The following AGBL1 variants were observed in gnomAD, a reference collection of about 807,000 sequenced individuals.
AGBL1 encodes the protein cytosolic carboxypeptidase 4.
AGBL1 carries 130 observed loss-of-function variants against 118.9 expected under a neutral mutation model. That is an observed-to-expected ratio of 1.09 (90% CI 0.95 to 1.26). The LOEUF is 1.26. Ranked by LOEUF, AGBL1 falls within the 50% of genes most tolerant of loss-of-function variation. The probability of loss-of-function intolerance (pLI) is 0.00; values close to 1 mark genes in which losing one functional copy is unlikely to be tolerated. For synonymous variants in AGBL1, 555 were observed against 478.9 expected, an observed-to-expected ratio of 1.16 and a Z score of -2.08; for missense variants, 1,584 against 1,298.1, an observed-to-expected ratio of 1.22 and a Z score of -3.38.
chr15:86,564,497 T>A lies in AGBL1; in HGVS notation c.2994+9960T>A, dbSNP rs1262197681. 2.0e-5 allele frequency among the ~76,000 whole-genome samples: 3 copies of A among 152,210 alleles called. No homozygotes were observed. In the East Asian group the frequency reaches 5.8e-4, roughly 29 times the overall value. ...GGCTTGTAGAGTTTCTGCCGAGAGA[T>A]CTGCTGTTAGTCTGATGGGCTTCCC... On this transcript the variant is annotated intron_variant, in intron 21 of 22. Transcript: ENST00000614907.
intron 22 of AGBL1, among the ~76,000 whole-genome samples, chr15:86,735,924 C>T (rs142488900): frequency 6.6e-6 from 1 of 152,008 alleles, no homozygotes; most frequent in Non-Finnish European, 1.5e-5. Flanking sequence ...TCACTTTGCT[C>T]TTGATTCTCA....
intron 23 of AGBL1, among the ~76,000 whole-genome samples, chr15:86,930,354 A>G (rs2080590653): frequency 6.6e-6 from 1 of 152,152 alleles, no homozygotes; most frequent in Non-Finnish European, 1.5e-5. Flanking sequence ...TATCACTACT[A>G]TATAAATATA....
At chr15:86,325,756 C>G (rs2080174566) in intron 17 of AGBL1, among the ~76,000 whole-genome samples, 1 of 152,144 alleles carries the variant, frequency 6.6e-6, no homozygotes, top group Non-Finnish European at 1.5e-5. Flanking sequence ...AGGCATTGGA[C>G]TATACTGGAA....
chr15:86,652,510 G>C (rs981667969), intron 21 of AGBL1, among the ~76,000 whole-genome samples: 1 of 151,940 alleles, frequency 6.6e-6, no homozygotes, highest in African/African-American at 2.4e-5. Context: ...ACCGAGATGT[G>C]GTTTAGCTGC....
At chr15:86,208,608 G>C (rs1449432046) in intron 5 of AGBL1, among the ~76,000 whole-genome samples, 1 of 152,180 alleles carries the variant, frequency 6.6e-6, no homozygotes, top group East Asian at 1.9e-4. Context: ...TATTTGTGTA[G>C]AGGTGTTTAT....
chr15:86,807,373 G>A (rs7172992), intron 22 of AGBL1, among the ~76,000 whole-genome samples: 13,498 of 152,198 alleles, frequency 0.089, 646 homozygotes, highest in South Asian at 0.14. Flanking sequence ...CATCACGTTG[G>A]AAGCATTGAG....
chr15:86,621,968 A>G (rs565491915), intron 21 of AGBL1, among the ~76,000 whole-genome samples: 1 of 152,232 alleles, frequency 6.6e-6, no homozygotes, highest in East Asian at 1.9e-4. Flanking sequence ...TTACATCACT[A>G]TATGCAATTA....
intron 22 of AGBL1, among the ~76,000 whole-genome samples, chr15:86,782,327 G>T (rs982972558): frequency 1.3e-5 from 2 of 151,978 alleles, no homozygotes; most frequent in African/African-American, 4.8e-5. Context: ...TTGACTCTAT[G>T]CTACCTGGTA....
chr15:86,266,017 C>T (rs575371062), intron 11 of AGBL1, among the ~76,000 whole-genome samples: 7 of 152,168 alleles, frequency 4.6e-5, no homozygotes, highest in Non-Finnish European at 8.8e-5. Flanking sequence ...TAATGTCTTC[C>T]TCAAAACTTT....
chr15:86,398,939 C>T (rs1047581315), intron 18 of AGBL1, among the ~76,000 whole-genome samples: 1 of 151,988 alleles, frequency 6.6e-6, no homozygotes, highest in Non-Finnish European at 1.5e-5. Flanking sequence ...ACCCATGTAC[C>T]CATGTGTTCC....
intron 17 of AGBL1, among the ~76,000 whole-genome samples, chr15:86,302,312 G>C (rs916413504): frequency 6.6e-6 from 1 of 152,092 alleles, no homozygotes; most frequent in Non-Finnish European, 1.5e-5. Context: ...AATTAAGAAA[G>C]ACAGTAATTA....
intron 22 of AGBL1, among the ~76,000 whole-genome samples, chr15:86,701,661 A>AT (rs200057079): frequency 0.023 from 1,421 of 62,428 alleles, 15 homozygotes; most frequent in Middle Eastern, 0.095. Flanking sequence ...TCCCCTCTCC[A>AT]TTTTTTCCCT....
chr15:86,739,803 AGGATGGCAGAGAGGACT>A (rs1477694435), intron 22 of AGBL1, among the ~76,000 whole-genome samples: 1 of 152,206 alleles, frequency 6.6e-6, no homozygotes, highest in Non-Finnish European at 1.5e-5. Flanking sequence ...CTTAAACAGC[AGGATGGCAGAGAGGACT>A]GGATACCTCC....
intron 16 of AGBL1, among the ~76,000 whole-genome samples, chr15:86,290,744 G>A (rs945260940): frequency 2.0e-5 from 3 of 151,548 alleles, no homozygotes; most frequent in Non-Finnish European, 4.4e-5. Context: ...CAGTGTGCAG[G>A]TTAGTTACAT....
At chr15:86,251,751 G>A (rs1345179787) in intron 7 of AGBL1, among the ~76,000 whole-genome samples, 2 of 151,566 alleles carry the variant, frequency 1.3e-5, no homozygotes, top group Admixed American at 6.6e-5. Context: ...GTGTAATGTA[G>A]TATAATGGAA....
intron 16 of AGBL1, among the ~76,000 whole-genome samples, chr15:86,288,854 A>G (rs1178277488): frequency 6.6e-6 from 1 of 152,054 alleles, no homozygotes; most frequent in East Asian, 1.9e-4. Context: ...TGTGTTATAT[A>G]TTTGAATCCC....
chr15:86,434,073 G>T (rs536169408), intron 18 of AGBL1, among the ~76,000 whole-genome samples: 1 of 152,200 alleles, frequency 6.6e-6, no homozygotes, highest in African/African-American at 2.4e-5. Context: ...TCCTTTTATC[G>T]TGGCTGAAAT....
chr15:86,153,060 G>A (rs903661668), intron 3 of AGBL1, among the ~76,000 whole-genome samples: 2 of 152,170 alleles, frequency 1.3e-5, no homozygotes, highest in Non-Finnish European at 2.9e-5. Context: ...TACACTGTTG[G>A]TGGGAGTGTA....
intron 14 of AGBL1, among the ~76,000 whole-genome samples, chr15:86,271,043 A>ATTTTTTTTT (rs58166692): frequency 1.2e-4 from 11 of 89,060 alleles, no homozygotes; most frequent in African/African-American, 3.3e-4. Flanking sequence ...GTCACGTTGC[A>ATTTTTTTTT]TTTTTTTTTT....
Sources: gnomAD v4.1 joint callset for allele counts (sites outside exome capture counted in the v4.1 genomes callset) on GRCh38, gnomAD v4.1.1 for gene constraint, MANE v1.5 for transcripts, NCBI Gene and HGNC (gene_info 2026-07-23, HGNC 2026-07-21) for gene names.